KHDC1: variants seen among roughly 807,000 people sequenced by gnomAD.
The protein encoded by KHDC1 is KH homology domain-containing protein 1.
Under a neutral mutation model 24.7 loss-of-function variants are expected in KHDC1, and 21 were observed. The ratio of observed to expected loss-of-function variants is 0.85; its 90% CI spans 0.60 to 1.23. KHDC1 has a LOEUF of 1.23. KHDC1 is among the 50% of genes most tolerant of loss of function. The pLI is 0.00. For missense variants in KHDC1, 274 were observed against 298.5 expected, an observed-to-expected ratio of 0.92 and a Z score of 0.61; for synonymous variants, 98 against 111.7, an observed-to-expected ratio of 0.88 and a Z score of 0.77.
chr6:73,309,083 A>G (rs1768029576), intron 1 of KHDC1, among the ~76,000 whole-genome samples: 2 of 152,202 alleles, frequency 1.3e-5, no homozygotes, highest in African/African-American at 4.8e-5. Flanking sequence ...GGCCTCCCAA[A>G]GTGCAGGGAT....
chr6:73,248,571 C>G (rs1450404072), intron 2 of KHDC1, among the ~76,000 whole-genome samples: 1 of 152,124 alleles, frequency 6.6e-6, no homozygotes, highest in African/African-American at 2.4e-5. Context: ...AATATACAAT[C>G]TGAGAAAATT....
exon 5 of KHDC1, chr6:73,241,547 C>G (rs1390476906): frequency 2.5e-6 from 4 of 1,614,066 alleles, no homozygotes. Flanking sequence ...ACAGTGAACT[C>G]AAATGGAAAC....
intron 1 of KHDC1, among the ~76,000 whole-genome samples, chr6:73,303,977 G>A (rs551430882): frequency 1.3e-5 from 2 of 152,204 alleles, no homozygotes; most frequent in Admixed American, 6.5e-5. Flanking sequence ...TCAAGAGCTC[G>A]AAACCAGCCT....
chr6:73,273,450 G>A lies in KHDC1; in HGVS notation c.206+18548C>T, dbSNP rs561559440. ...CCCAAAGTGCTGGAATTATAGGCAT[G>A]AGCAACCACTCCCAGCCTAAAATTG... On this transcript the variant is annotated intron_variant, in intron 2 of 4. Transcript: ENST00000370384. 8.5e-5 allele frequency among the ~76,000 whole-genome samples: 13 copies of A among 152,182 alleles called. No individual in the cohort carries two copies. In the East Asian group the frequency reaches 9.7e-4, roughly 11 times the overall value.
intron 2 of KHDC1, among the ~76,000 whole-genome samples, chr6:73,265,681 T>C (rs4708042): frequency 0.29 from 43,708 of 151,986 alleles, 7,133 homozygotes; most frequent in African/African-American, 0.45. Context: ...TCCTGGACTT[T>C]ATAAGTAGAC....
chr6:73,242,280 C>A (rs185551503), intron 3 of KHDC1, 43 bp from the exon 3 acceptor site: 2 of 1,604,814 alleles, frequency 1.2e-6, no homozygotes, highest in East Asian at 2.2e-5. Context: ...CAAGCACCAG[C>A]CCTTAGGGAA....
exon 2 of KHDC1, chr6:73,292,029 T>C (rs971734882): frequency 3.1e-6 from 5 of 1,614,078 alleles, no homozygotes; most frequent in Admixed American, 3.3e-5. Flanking sequence ...TTTCCGCTCC[T>C]TGAGTTTCTC....
rs1360429360 is a variant in KHDC1 at position 73,292,322 on chromosome 6, C to G, written c.164-282G>C. 4.1e-6 allele frequency: 4 copies of G among 985,500 alleles called. No individual in the cohort carries two copies. In the Admixed American group the frequency reaches 6.8e-5, roughly 17 times the overall value. The allele number at this position is 985,500 out of a possible 1,614,324, so 61.0% of individuals were successfully genotyped here. ...GCTCTTTGACTACCTGGCGGACAAG[C>G]ATGGTTTTAGGCAGGAGTATTTAGA... On this transcript the variant is annotated intron_variant, in intron 1 of 4. Coordinates refer to ENST00000370384, the Ensembl canonical transcript of KHDC1.
chr6:73,306,281 C>T (rs1233623542), intron 1 of KHDC1, among the ~76,000 whole-genome samples: 1 of 152,014 alleles, frequency 6.6e-6, no homozygotes, highest in Non-Finnish European at 1.5e-5. Flanking sequence ...AGGCTGCTAC[C>T]TCTAGACTCT....
In KHDC1 at chr6:73,255,199, TA is replaced by T. The variant is rs1453027806; in HGVS notation, c.207-12670del. ...GAATTTTTTTCAATTATTGGTTTAC[TA>T]AAAAAAAAATAAACTTTTTTTTTTT... is the stretch of plus-strand genomic sequence containing the variant. On this transcript the variant is annotated intron_variant, in intron 2 of 4. Transcript: ENST00000370384. 1.5e-3 allele frequency among the ~76,000 whole-genome samples: 200 copies of T among 137,780 alleles called. 4 individuals are homozygous for T. The South Asian group carries it at 0.027, about 19-fold the overall frequency. The allele number at this position is 137,780 out of a possible 152,430, so 90.4% of individuals were successfully genotyped here. A position where few individuals can be genotyped will look rare whatever the true frequency, so the allele number is the denominator to read the frequency against.
chr6:73,245,920 A>G (rs1021897019), intron 2 of KHDC1, among the ~76,000 whole-genome samples: 2 of 152,192 alleles, frequency 1.3e-5, no homozygotes, highest in African/African-American at 2.4e-5. Flanking sequence ...ACAAACCATC[A>G]GTATGGCAAC....
chr6:73,293,240 C>G (rs1767690787), intron 1 of KHDC1: 1 of 662,632 alleles, frequency 1.5e-6, no homozygotes, highest in Non-Finnish European at 2.9e-6. Flanking sequence ...AGGTCAGAGG[C>G]TCCTAACTGG....
intron 1 of KHDC1, among the ~76,000 whole-genome samples, chr6:73,302,173 C>T (rs971635791): frequency 5.9e-5 from 9 of 152,032 alleles, no homozygotes; most frequent in African/African-American, 1.2e-4. Flanking sequence ...CCTGTAATCC[C>T]GGCTACTCAG....
exon 1 of KHDC1, chr6:73,309,653 T>C (rs16883573): frequency 0.11 from 174,965 of 1,549,680 alleles, 11,072 homozygotes; most frequent in African/African-American, 0.25. Flanking sequence ...CAGGACTCCG[T>C]ATTCTGAGAC....
At chr6:73,285,540 G>A (rs113614409) in intron 2 of KHDC1, among the ~76,000 whole-genome samples, 1 of 152,036 alleles carries the variant, frequency 6.6e-6, no homozygotes, top group Admixed American at 6.6e-5. Context: ...CGCCATGTTG[G>A]CCAGGCTGGT....
intron 2 of KHDC1, among the ~76,000 whole-genome samples, chr6:73,258,343 T>G (rs1766918746): frequency 6.6e-6 from 1 of 151,934 alleles, no homozygotes; most frequent in African/African-American, 2.4e-5. Flanking sequence ...CTTGGGAGAC[T>G]AAGGTGGAAG....
At chr6:73,288,348 C>T (rs575310796) in intron 2 of KHDC1, among the ~76,000 whole-genome samples, 10 of 152,316 alleles carry the variant, frequency 6.6e-5, no homozygotes, top group African/African-American at 2.2e-4. Flanking sequence ...GGGCCGGGCA[C>T]GGTGGTTCAC....
intron 2 of KHDC1, among the ~76,000 whole-genome samples, chr6:73,273,549 G>A (rs1252282017): frequency 6.6e-6 from 1 of 151,222 alleles, no homozygotes; most frequent in Admixed American, 6.6e-5. Context: ...GGGCGCAGTG[G>A]CTCACGCCTG....
chr6:73,301,381 T>C (rs1183119921), intron 1 of KHDC1: 1 of 152,188 alleles, frequency 6.6e-6, no homozygotes, highest in Admixed American at 6.5e-5. Flanking sequence ...ATCCATTAAA[T>C]GACACTTGCA....
Sources: gnomAD v4.1 joint callset for allele counts (sites outside exome capture counted in the v4.1 genomes callset) on GRCh38, gnomAD v4.1.1 for gene constraint, MANE v1.5 for transcripts, NCBI Gene and HGNC (gene_info 2026-07-23, HGNC 2026-07-21) for gene names.